Variants in NKAIN2 observed in about 807,000 individuals in gnomAD.
The protein encoded by NKAIN2 is sodium/potassium-transporting ATPase subunit beta-1-interacting protein 2.
NKAIN2 carries 14 observed loss-of-function variants against 32.6 expected under a neutral mutation model. The ratio of observed to expected loss-of-function variants is 0.43; its 90% CI spans 0.28 to 0.67. The LOEUF (loss-of-function observed/expected upper bound fraction) is 0.67. Among genes scored for constraint, NKAIN2 ranks in the 30% least tolerant of loss-of-function variants. The probability of loss-of-function intolerance (pLI) is 0.17; values close to 1 mark genes in which losing one functional copy is unlikely to be tolerated. For missense variants in NKAIN2, 198 were observed against 258.3 expected (o/e 0.77, Z 1.60); for synonymous variants, 80 against 87.2 (o/e 0.92, Z 0.46).
chr6:123,993,455 AC>A (rs1779494447), intron 1 of NKAIN2, among the ~76,000 whole-genome samples: 1 of 152,158 alleles, frequency 6.6e-6, no homozygotes, highest in Admixed American at 6.5e-5. Flanking sequence ...TGAAAAGGAC[AC>A]TTTCTTTTCA....
chr6:124,201,821 A>T (rs1236920371), intron 1 of NKAIN2, among the ~76,000 whole-genome samples: 3 of 152,018 alleles, frequency 2.0e-5, no homozygotes, highest in Non-Finnish European at 4.4e-5. Context: ...AAATGTTCTC[A>T]CTTTGGAATT....
chr6:124,111,476 A>G (rs1002920556), intron 1 of NKAIN2, among the ~76,000 whole-genome samples: 5 of 152,096 alleles, frequency 3.3e-5, no homozygotes, highest in Non-Finnish European at 5.9e-5. Flanking sequence ...TGTCTCTGAA[A>G]TAGTTTTTGA....
chr6:123,911,801 G>GTATATATATATATGTATATATA (rs200270867), intron 1 of NKAIN2, among the ~76,000 whole-genome samples: 2 of 58,398 alleles, frequency 3.4e-5, no homozygotes, highest in Non-Finnish European at 6.5e-5. Flanking sequence ...ATATATATAT[G>GTATATATATATATGTATATATA]TATATATATA....
In NKAIN2 at chr6:124,689,613, ATTTAT is replaced by A. The variant is rs140928041; in HGVS notation, c.474+31231_474+31235del. The stretch of plus-strand genomic sequence containing the variant: ...TTTGCATTTTTACATTTAAATCTTG[ATTTAT>A]TTTGAGTTAATTTTTGTGAAAAGTA... On this transcript the variant is annotated intron_variant, in intron 4 of 6. Transcript: ENST00000368417. 6.7e-3 allele frequency among the ~76,000 whole-genome samples: 1,019 copies of A among 152,008 alleles called. 3 individuals are homozygous for A. The highest frequency in any genetic ancestry group is 0.02 in the Middle Eastern group (6 of 294).
chr6:124,005,915 T>C (rs1016484454), intron 1 of NKAIN2, among the ~76,000 whole-genome samples: 1 of 152,200 alleles, frequency 6.6e-6, no homozygotes, highest in Non-Finnish European at 1.5e-5. Context: ...ACTGTCACTT[T>C]TTGAGACAGG....
At chr6:124,454,110 G>C (rs866873628) in intron 3 of NKAIN2, among the ~76,000 whole-genome samples, 12 of 145,804 alleles carry the variant, frequency 8.2e-5, no homozygotes, top group South Asian at 6.8e-4. Flanking sequence ...TTTTTTTGGG[G>C]GGGGGGGTTG....
At position 123,883,311 on chromosome 6, in the gene NKAIN2, A is replaced by AT. The variant is rs1296052431; in HGVS notation, c.54+79064dup. On this transcript the variant is annotated intron_variant, in intron 1 of 6. Coordinates refer to ENST00000368417, the MANE Select transcript of NKAIN2 (RefSeq NM_001040214.3). ...AGGCACCCGCCACCACCCCTGGCTAATTTTTTTGTATTTTTAGTAGAGACA... is the reference window on the plus strand; with the variant it reads ...AGGCACCCGCCACCACCCCTGGCTAATTTTTTTTGTATTTTTAGTAGAGACA... 8.4e-4 allele frequency among the ~76,000 whole-genome samples: 128 copies of AT among 151,748 alleles called. 1 individual carries two copies. The highest frequency in any genetic ancestry group is 5.0e-4 in the Non-Finnish European group (34 of 67,884).
intron 1 of NKAIN2, among the ~76,000 whole-genome samples, chr6:124,011,454 T>C (rs1780322581): frequency 1.3e-5 from 2 of 152,050 alleles, no homozygotes; most frequent in African/African-American, 4.8e-5. Flanking sequence ...TATCTGAATA[T>C]CATTTATGCA....
At chr6:123,853,776 T>C (rs958150345) in intron 1 of NKAIN2, among the ~76,000 whole-genome samples, 2 of 138,084 alleles carry the variant, frequency 1.4e-5, no homozygotes, top group African/African-American at 5.5e-5. Flanking sequence ...ATAAATTTCC[T>C]TTTTTTTTTT....
chr6:124,292,362 C>G (rs1300113707), intron 2 of NKAIN2, among the ~76,000 whole-genome samples: 1 of 152,078 alleles, frequency 6.6e-6, no homozygotes, highest in Non-Finnish European at 1.5e-5. Context: ...CCTCTTCAGG[C>G]AATTGGTTGA....
intron 3 of NKAIN2, among the ~76,000 whole-genome samples, chr6:124,479,407 CTT>C: frequency 6.6e-6 from 1 of 152,232 alleles, no homozygotes; most frequent in African/African-American, 2.4e-5. Context: ...GTCAAACAGA[CTT>C]TATTTTAAGA....
At chr6:124,229,788 T>C (rs112876441) in intron 1 of NKAIN2, among the ~76,000 whole-genome samples, 13,411 of 152,198 alleles carry the variant, frequency 0.088, 1,281 homozygotes, top group African/African-American at 0.23. Flanking sequence ...TGCTCCTCTT[T>C]GCCTTCTGCC....
intron 1 of NKAIN2, among the ~76,000 whole-genome samples, chr6:124,236,503 A>G (rs1020043700): frequency 1.3e-5 from 2 of 152,174 alleles, no homozygotes; most frequent in African/African-American, 4.8e-5. Flanking sequence ...GAATTTTTCA[A>G]TGATCTGTAG....
At chr6:124,386,998 T>G (rs145914411) in intron 3 of NKAIN2, among the ~76,000 whole-genome samples, 203 of 152,276 alleles carry the variant, frequency 1.3e-3, no homozygotes, top group Middle Eastern at 3.4e-3. Context: ...AACTAATTTC[T>G]TATTCTTCTT....
At chr6:124,124,536 A>G (rs768584195) in intron 1 of NKAIN2, among the ~76,000 whole-genome samples, 5 of 152,214 alleles carry the variant, frequency 3.3e-5, no homozygotes, top group Admixed American at 6.5e-5. Flanking sequence ...TTCTTTGCAC[A>G]ATAGAAGAGG....
At chr6:123,952,442 G>A (rs1470474414) in intron 1 of NKAIN2, among the ~76,000 whole-genome samples, 1 of 152,048 alleles carries the variant, frequency 6.6e-6, no homozygotes, top group African/African-American at 2.4e-5. Flanking sequence ...GCTGGATTTG[G>A]AAAGTTTACA....
intron 4 of NKAIN2, among the ~76,000 whole-genome samples, chr6:124,761,453 A>T (rs1778262858): frequency 6.6e-6 from 1 of 152,100 alleles, no homozygotes; most frequent in Non-Finnish European, 1.5e-5. Context: ...TTGTTCTCTA[A>T]CCACCTCTTT....
rs111788297 is a variant in NKAIN2 at position 124,280,283 on chromosome 6, A to C, written c.55-2722A>C. The stretch of plus-strand genomic sequence containing the variant: ...GAGCTTTGTCTTAACCAATGATGAT[A>C]TAATGTCATGAACTGACAAGTATGA... On this transcript the variant is annotated intron_variant, in intron 1 of 6. Transcript: ENST00000368417. 6.4e-3 allele frequency among the ~76,000 whole-genome samples: 974 copies of C among 152,330 alleles called. 12 individuals carry two copies. Among genetic ancestry groups the C allele is most frequent in the African/African-American group, 0.022 (920 of 41,580 alleles).
chr6:124,468,856 A>C (rs1172082254), intron 3 of NKAIN2, among the ~76,000 whole-genome samples: 1 of 152,168 alleles, frequency 6.6e-6, no homozygotes, highest in Admixed American at 6.5e-5. Context: ...TGTGCCTAGA[A>C]AATTCTATAA....
Sources: gnomAD v4.1 joint callset for allele counts (sites outside exome capture counted in the v4.1 genomes callset) on GRCh38, gnomAD v4.1.1 for gene constraint, MANE v1.5 for transcripts, NCBI Gene and HGNC (gene_info 2026-07-23, HGNC 2026-07-21) for gene names.